The following CFAP46 variants were observed in gnomAD, a reference collection of about 807,000 sequenced individuals.
CFAP46 encodes the protein cilia and flagella associated protein 46.
CFAP46 carries 245 observed loss-of-function variants against 325.7 expected under a neutral mutation model. The ratio of observed to expected loss-of-function variants is 0.75; its 90% CI spans 0.68 to 0.84. The LOEUF (loss-of-function observed/expected upper bound fraction) is 0.84. Ranked by LOEUF, CFAP46 falls within the 40% of genes least tolerant of loss-of-function variation. The pLI is 0.00. For synonymous variants in CFAP46, 1,523 were observed against 1,495.9 expected (o/e 1.02, Z -0.42); for missense variants, 3,346 against 3,543.0 (o/e 0.94, Z 1.41).
At chr10:132,856,152 G>A (rs73391285) in intron 39 of CFAP46, among the ~76,000 whole-genome samples, 6,111 of 152,294 alleles carry the variant, frequency 0.04, 425 homozygotes, top group African/African-American at 0.14. Context: ...AGGTCCCTGC[G>A]CTGGGCTCTC....
Position 132,867,514 on chromosome 10 carries a change from C to G in CFAP46, c.4611-7G>C. ...CGCGATCTCTTTTCTGCAGCTAATG[C>G]GAGGAAAACAGACAATACGCAAGAG... On this transcript the variant is annotated splice_polypyrimidine_tract_variant and splice_region_variant and intron_variant, in intron 33 of 57. Transcript: ENST00000368586. 6.5e-7 allele frequency: 1 copy of G among 1,549,022 alleles called. No individual in the cohort carries two copies. The highest frequency in any genetic ancestry group is 1.2e-5 in the South Asian group (1 of 83,738).
chr10:132,852,507 C>T (rs901474914), intron 39 of CFAP46, among the ~76,000 whole-genome samples: 3 of 151,564 alleles, frequency 2.0e-5, no homozygotes, highest in East Asian at 2.0e-4. Context: ...GATCCACAGA[C>T]GTGGTATGTT....
chr10:132,828,167 A>AGGG lies in CFAP46; in HGVS notation c.7117+5190_7117+5191insCCC, dbSNP rs1292049451. Among the ~76,000 whole-genome samples, 2 of 152,204 alleles carry AGGG rather than the reference A, an allele frequency of 1.3e-5. No individual in the cohort carries two copies. The highest frequency in any genetic ancestry group is 2.9e-5 in the Non-Finnish European group (2 of 68,040). ...GGTCATTGCAGATAACGCTGCTGTA[A>AGGG]ACATGTGTATGAGTTTCTGCGGGAC... is the stretch of plus-strand genomic sequence containing the variant. On this transcript the variant is annotated intron_variant, in intron 50 of 57. Coordinates refer to ENST00000368586, the MANE Select transcript of CFAP46 (RefSeq NM_001200049.3). This position sits in a 1 kb window ranked among gnomAD's most constrained non-coding sequence, Gnocchi z 4.9.
intron 25 of CFAP46, among the ~76,000 whole-genome samples, chr10:132,887,564 TCTC>T (rs1383020900): frequency 1.1e-4 from 7 of 62,468 alleles, no homozygotes; most frequent in Non-Finnish European, 1.6e-4. Flanking sequence ...CCTTCTTCTC[TCTC>T]CTCTCCTCTC....
intron 7 of CFAP46, among the ~76,000 whole-genome samples, 154 bp downstream of exon 7, chr10:132,936,807 G>A (rs1046004555): frequency 2.0e-5 from 3 of 152,216 alleles, no homozygotes; most frequent in Non-Finnish European, 2.9e-5. Flanking sequence ...CACACCCTGA[G>A]GTCTCCCAGG....
Position 132,847,200 on chromosome 10 carries a change from C to A in CFAP46, c.6074G>T (p.Gly2025Val). 1 of 1,612,310 alleles carries A rather than the reference C, an allele frequency of 6.2e-7. No individual in the cohort carries two copies. The highest frequency in any genetic ancestry group is 8.5e-7 in the Non-Finnish European group (1 of 1,179,752). The change falls in exon 42 of 58, where the codon GGC becomes GTC. Residue 2025 changes from glycine (G) to valine (V), a missense_variant. Coordinates refer to ENST00000368586, the MANE Select transcript of CFAP46 (RefSeq NM_001200049.3). This position sits in a 1 kb window ranked among gnomAD's most constrained non-coding sequence, Gnocchi z 5.2. ...RAAPEEHCRR[G>V]EDLKRRMVLA... Reference sequence around the variant, plus strand: ...GGGCAGCCGCACCTTCAGGTCCTCGCCTCTCCTGCAGTGCTCCTCCGGGGC... The same window carrying A: ...GGGCAGCCGCACCTTCAGGTCCTCGACTCTCCTGCAGTGCTCCTCCGGGGC...
chr10:132,909,787 G>C, intron 20 of CFAP46, 132 bp downstream of exon 20: 1 of 835,852 alleles, frequency 1.2e-6, no homozygotes, highest in South Asian at 2.4e-5. Context: ...TGGGAAAAGG[G>C]AGTGCCCAGG....
At chr10:132,872,441 TAGAGA>T in intron 32 of CFAP46, 4 of 499,640 alleles carry the variant, frequency 8.0e-6, no homozygotes, top group Admixed American at 6.6e-5. Context: ...AAATTTTTTG[TAGAGA>T]TGGGGTCTTG....
At chr10:132,920,205 A>G in intron 13 of CFAP46, 23 bp from the exon 14 acceptor site, 1 of 1,515,688 alleles carries the variant, frequency 6.6e-7, no homozygotes, top group Non-Finnish European at 8.8e-7. Flanking sequence ...ATGCAAAGGC[A>G]GGTGTTGCAG....
At chr10:132,915,439 T>C (rs925002054) in intron 17 of CFAP46, among the ~76,000 whole-genome samples, 9 of 152,278 alleles carry the variant, frequency 5.9e-5, no homozygotes, top group African/African-American at 2.2e-4. Context: ...TCATCGTCAT[T>C]GCTGCTGCCT....
intron 48 of CFAP46, among the ~76,000 whole-genome samples, chr10:132,834,389 T>C (rs1386457572): frequency 6.6e-6 from 1 of 151,934 alleles, no homozygotes; most frequent in Non-Finnish European, 1.5e-5. Flanking sequence ...GCCCGGGCGG[T>C]CCCTTGGAGG....
intron 11 of CFAP46, among the ~76,000 whole-genome samples, chr10:132,924,005 C>A (rs1223352913): frequency 6.6e-6 from 1 of 152,120 alleles, no homozygotes; most frequent in Non-Finnish European, 1.5e-5. Context: ...GGAGCGGGGG[C>A]TGAGCCGGCG....
intron 3 of CFAP46, among the ~76,000 whole-genome samples, 195 bp from the exon 4 acceptor site, chr10:132,941,255 C>T (rs1370376987): frequency 1.3e-5 from 2 of 152,174 alleles, no homozygotes; most frequent in East Asian, 3.9e-4. Context: ...GTTCCCGTCC[C>T]GCAGACACAG....
chr10:132,872,599 G>C, intron 32 of CFAP46, 77 bp downstream of exon 32: 1 of 1,488,954 alleles, frequency 6.7e-7, no homozygotes, highest in East Asian at 2.5e-5. Context: ...GTCAACTACA[G>C]AATTAATACC....
Position 132,827,108 on chromosome 10 carries a change from G to A in CFAP46, c.7117+6250C>T, listed in dbSNP as rs903552895. Among the ~76,000 whole-genome samples the A allele has an allele frequency of 2.0e-4, 31 of 152,062 alleles. No homozygotes were observed. The highest frequency in any genetic ancestry group is 3.1e-4 in the African/African-American group (13 of 41,420). On this transcript the variant is annotated intron_variant, in intron 50 of 57. Transcript: ENST00000368586. This position sits in a 1 kb window ranked among gnomAD's most constrained non-coding sequence, Gnocchi z 5.7. Reference sequence around the variant, plus strand: ...CTCCGGGCTCCCTGCCTCTCCACCCGGCACTCCCACCCTCTCCACAGCCTG... The same window carrying A: ...CTCCGGGCTCCCTGCCTCTCCACCCAGCACTCCCACCCTCTCCACAGCCTG...
chr10:132,910,620 G>A (rs1185762801), intron 19 of CFAP46, among the ~76,000 whole-genome samples: 2 of 152,158 alleles, frequency 1.3e-5, no homozygotes, highest in Non-Finnish European at 2.9e-5. Flanking sequence ...CGTGAGGATC[G>A]GTGAGTCCTT....
rs1053926058 is a variant in CFAP46 at position 132,828,634 on chromosome 10, A to G, written c.7117+4724T>C. Among the ~76,000 whole-genome samples, 1 of 152,152 alleles carries G rather than the reference A, an allele frequency of 6.6e-6. No individual in the cohort carries two copies. Among genetic ancestry groups the G allele is most frequent in the Admixed American group, 6.5e-5 (1 of 15,270 alleles). On this transcript the variant is annotated intron_variant, in intron 50 of 57. Transcript: ENST00000368586. The surrounding 1 kb of genome is among the most constrained non-coding windows in gnomAD (Gnocchi z 4.9). ...CTTGGCGTAACTTTTCATTTTCTTAACAATATCTTTCAAAGAGTGGAAATT... is the reference window on the plus strand; with the variant it reads ...CTTGGCGTAACTTTTCATTTTCTTAGCAATATCTTTCAAAGAGTGGAAATT...
chr10:132,916,434 A>C, intron 17 of CFAP46, 115 bp downstream of exon 17: 1 of 1,172,076 alleles, frequency 8.5e-7, no homozygotes, highest in Non-Finnish European at 1.1e-6. Flanking sequence ...CCCACGCAAG[A>C]AGCCGGTGTC....
intron 47 of CFAP46, 137 bp from the exon 48 acceptor site, chr10:132,834,912 G>A (rs1480495668): frequency 5.6e-6 from 7 of 1,258,064 alleles, no homozygotes; most frequent in Middle Eastern, 5.6e-4. Context: ...ACCTGGCTCG[G>A]CAACGAGGGC....
Sources: allele counts gnomAD v4.1 joint callset (sites outside exome capture counted in the v4.1 genomes callset), GRCh38; gene constraint gnomAD v4.1.1; non-coding constraint Gnocchi (gnomAD v3.1); transcripts MANE v1.5; gene names NCBI Gene and HGNC (gene_info 2026-07-23, HGNC 2026-07-21).